The following PYGB variants were observed in gnomAD, a reference collection of about 807,000 sequenced individuals.
PYGB encodes glycogen phosphorylase B.
In PYGB, 82 loss-of-function variants were observed where a neutral mutation model predicts 94.3. That is an observed-to-expected ratio of 0.87 (90% CI 0.73 to 1.04). PYGB has a LOEUF of 1.04. PYGB is among the 50% of genes least tolerant of loss of function. The probability of loss-of-function intolerance (pLI) is 0.00; values close to 1 mark genes in which losing one functional copy is unlikely to be tolerated. For synonymous variants in PYGB, 488 were observed against 479.1 expected (o/e 1.02, Z -0.24); for missense variants, 1,132 against 1,158.2 (o/e 0.98, Z 0.33).
chr20:25,280,943 C>T lies in PYGB; in HGVS notation c.1240-6C>T, dbSNP rs199952815. ...CCACCCACCTGCCTCTGTGTTTTGG[C>T]ACCAGCACGTGGCCGCGCTGTTTCC... is the stretch of plus-strand genomic sequence containing the variant. On this transcript the variant is annotated splice_region_variant and splice_polypyrimidine_tract_variant and intron_variant, in intron 10 of 19. Coordinates refer to ENST00000216962, the MANE Select transcript of PYGB (RefSeq NM_002862.4). The T allele has an allele frequency of 1.1e-4, 172 of 1,613,106 alleles. No homozygotes were observed. The highest frequency in any genetic ancestry group is 9.2e-4 in the African/African-American group (69 of 75,024).
intron 16 of PYGB, among the ~76,000 whole-genome samples, chr20:25,291,080 G>A (rs1216074328): frequency 6.6e-6 from 1 of 151,674 alleles, no homozygotes; most frequent in Non-Finnish European, 1.5e-5. Flanking sequence ...CCAGGCCAGT[G>A]GGGTTGTGGG....
chr20:25,288,405 CTCTTCCG>C lies in PYGB; in HGVS notation c.1769-18_1769-12del. 1 of 1,614,188 alleles carries C rather than the reference CTCTTCCG, an allele frequency of 6.2e-7. No homozygotes were observed. The highest frequency in any genetic ancestry group is 8.5e-7 in the Non-Finnish European group (1 of 1,180,018). ...CCGGCTCGCGGTGCCTTGTGTGAGT[CTCTTCCG>C]TGTGTCCTGCAGGAATCAAGAGAGA... On this transcript the variant is annotated splice_polypyrimidine_tract_variant and intron_variant, in intron 14 of 19. Transcript: ENST00000216962.
intron 14 of PYGB, chr20:25,284,808 A>C (rs1048641462): frequency 6.6e-6 from 1 of 152,364 alleles, no homozygotes; most frequent in South Asian, 2.1e-4. Context: ...AGGCATTTAA[A>C]GTATACTTAC....
At chr20:25,259,772 C>T (rs1288654818) in intron 2 of PYGB, among the ~76,000 whole-genome samples, 1 of 152,208 alleles carries the variant, frequency 6.6e-6, no homozygotes, top group Non-Finnish European at 1.5e-5. Context: ...TATTTCTCCC[C>T]TAAAAACAAA....
chr20:25,256,384 G>GT (rs970583086), intron 1 of PYGB, among the ~76,000 whole-genome samples: 88 of 149,008 alleles, frequency 5.9e-4, no homozygotes, highest in African/African-American at 2.1e-3. Flanking sequence ...GATAAACTCT[G>GT]TTAAAAAAAA....
chr20:25,264,597 G>A (rs2092920583), intron 2 of PYGB, among the ~76,000 whole-genome samples: 1 of 152,116 alleles, frequency 6.6e-6, no homozygotes, highest in Non-Finnish European at 1.5e-5. Context: ...CAAAATCAAT[G>A]TGCAAAAATC....
intron 2 of PYGB, among the ~76,000 whole-genome samples, chr20:25,260,823 G>A (rs912260781): frequency 7.2e-5 from 11 of 152,222 alleles, no homozygotes; most frequent in African/African-American, 2.7e-4. Context: ...GGCACACGAG[G>A]AAATTATATC....
intron 5 of PYGB, among the ~76,000 whole-genome samples, chr20:25,275,883 G>T (rs2088306641): frequency 6.6e-6 from 1 of 152,230 alleles, no homozygotes; most frequent in Non-Finnish European, 1.5e-5. Context: ...TTTAGTCTTG[G>T]TGGCCCCGGT....
rs1476822306 is a variant in PYGB, at chr20:25,296,918, T to C, written c.*396T>C. 1.1e-5 allele frequency: 2 copies of C among 179,272 alleles called. No individual in the cohort carries two copies. Among genetic ancestry groups the C allele is most frequent in the African/African-American group, 2.4e-5 (1 of 41,804 alleles). 11.1% of individuals were successfully genotyped at this position (179,272 alleles called of 1,614,324 possible). A position where few individuals can be genotyped will look rare whatever the true frequency, so the allele number is the denominator to read the frequency against. ...CTGGGGTCTGGGCCAGTGGCCATAG[T>C]GAAGCCTGGGAATGAGTGTTACTGC... is the stretch of plus-strand genomic sequence containing the variant. On this transcript the variant is annotated 3_prime_UTR_variant, in exon 20 of 20. Transcript: ENST00000216962.
intron 2 of PYGB, among the ~76,000 whole-genome samples, chr20:25,265,528 G>A (rs2123535609): frequency 6.6e-6 from 1 of 151,868 alleles, no homozygotes; most frequent in African/African-American, 2.4e-5. Flanking sequence ...TATCTTGTTT[G>A]AAGAAAAGCC....
At chr20:25,295,031 C>T (rs1310483389) in intron 18 of PYGB, 1 of 1,614,050 alleles carries the variant, frequency 6.2e-7, no homozygotes, top group Admixed American at 1.7e-5. Context: ...CTGCTGAGGT[C>T]TGTGATAAAG....
chr20:25,281,893 A>T, intron 11 of PYGB, 140 bp from the exon 12 acceptor site: 1 of 693,850 alleles, frequency 1.4e-6, no homozygotes, highest in Non-Finnish European at 2.4e-6. Context: ...TGCCGCGGTC[A>T]CTCTGTTCTC....
chr20:25,287,087 C>G (rs1033533905), intron 14 of PYGB, among the ~76,000 whole-genome samples: 1 of 152,332 alleles, frequency 6.6e-6, no homozygotes, highest in East Asian at 1.9e-4. Context: ...GGCCGCTCAT[C>G]CCCTTTTTGT....
intron 12 of PYGB, 69 bp downstream of exon 12, chr20:25,282,216 C>A: frequency 7.7e-7 from 1 of 1,304,718 alleles, no homozygotes; most frequent in Non-Finnish European, 1.1e-6. Flanking sequence ...TGTCATCAGC[C>A]CCTGCTGAGC....
intron 2 of PYGB, among the ~76,000 whole-genome samples, chr20:25,261,679 T>C (rs1177112347): frequency 6.6e-6 from 1 of 152,134 alleles, no homozygotes; most frequent in African/African-American, 2.4e-5. Context: ...ATCAAACTTC[T>C]CCGAGCTAAA....
intron 3 of PYGB, among the ~76,000 whole-genome samples, chr20:25,270,282 A>G (rs2123547128): frequency 6.7e-6 from 1 of 149,430 alleles, no homozygotes; most frequent in African/African-American, 2.5e-5. Flanking sequence ...GCTCACTGCA[A>G]GCTCCGCCTC....
intron 9 of PYGB, among the ~76,000 whole-genome samples, chr20:25,279,751 A>G (rs1052837915): frequency 6.6e-6 from 1 of 152,100 alleles, no homozygotes; most frequent in Non-Finnish European, 1.5e-5. Context: ...AAAAGAAACC[A>G]TAAAACGATT....
chr20:25,294,343 G>T (rs749834013), intron 18 of PYGB, 51 bp downstream of exon 18: 1 of 1,503,518 alleles, frequency 6.7e-7, no homozygotes, highest in Non-Finnish European at 9.2e-7. Context: ...AGGGAGGGAG[G>T]GGTCCTCTTC....
rs375229376 is a variant in PYGB, at chr20:25,284,066, G to C, written c.1621-38G>C. 1.9e-6 allele frequency: 3 copies of C among 1,607,400 alleles called. No individual in the cohort carries two copies. In the African/African-American group the frequency reaches 4.0e-5, roughly 21 times the overall value. ...CGCAGGGTCAGTGGATGGAGTCCTG[G>C]TGAAGTCTCCAGCCATCTTTCCCTT... On this transcript the variant is annotated intron_variant, in intron 13 of 19. Transcript: ENST00000216962.
Sources: gnomAD v4.1 joint callset for allele counts (sites outside exome capture counted in the v4.1 genomes callset) on GRCh38, gnomAD v4.1.1 for gene constraint, MANE v1.5 for transcripts, NCBI Gene and HGNC (gene_info 2026-07-23, HGNC 2026-07-21) for gene names.